Variants in ART4 observed in about 807,000 individuals in gnomAD.
ART4 encodes ADP-ribosyltransferase 4 (inactive) (Dombrock blood group).
Under a neutral mutation model 24.2 loss-of-function variants are expected in ART4, and 14 were observed. The ratio of observed to expected loss-of-function variants is 0.58; its 90% CI spans 0.38 to 0.90. The LOEUF is 0.90. ART4 is among the 40% of genes least tolerant of loss of function. The probability of loss-of-function intolerance (pLI) is 0.00; values close to 1 mark genes in which losing one functional copy is unlikely to be tolerated. For missense variants in ART4, 356 were observed against 366.6 expected, an observed-to-expected ratio of 0.97 and a Z score of 0.24; for synonymous variants, 145 against 139.9, an observed-to-expected ratio of 1.04 and a Z score of -0.26.
chr12:14,830,600 CAG>C, intron 2 of ART4, among the ~76,000 whole-genome samples: 1 of 108,526 alleles, frequency 9.2e-6, no homozygotes, highest in East Asian at 2.7e-4. Context: ...AATTCCAAGA[CAG>C]AAAAGACAGA....
chr12:14,838,983 A>G (rs1950448533), intron 2 of ART4, among the ~76,000 whole-genome samples: 1 of 152,004 alleles, frequency 6.6e-6, no homozygotes, highest in African/African-American at 2.4e-5. Flanking sequence ...TGGCAACATA[A>G]AATTCAATCA....
Position 14,840,686 on chromosome 12 carries a change from A to C in ART4, c.612T>G (p.Phe204Leu). 1 of 1,614,148 alleles carries C rather than the reference A, an allele frequency of 6.2e-7. No homozygotes were observed. Among genetic ancestry groups the C allele is most frequent in the Non-Finnish European group, 8.5e-7 (1 of 1,180,004 alleles). Residue 204 changes from phenylalanine to leucine, a missense_variant, in exon 2 of 3, where the codon TTT (phenylalanine) becomes TTG (leucine). Coordinates refer to ENST00000228936, the MANE Select transcript of ART4 (RefSeq NM_021071.4). ...FNAYTGATIR[F>L]GQFLSTSLLK... The stretch of plus-strand genomic sequence containing the variant: ...GGAGGGATGTGGAGAGGAATTGGCC[A>C]AATCGAATGGTGGCCCCTGTGTAGG...
At chr12:14,839,364 G>A (rs1228266941) in intron 2 of ART4, among the ~76,000 whole-genome samples, 1 of 152,142 alleles carries the variant, frequency 6.6e-6, no homozygotes, top group Non-Finnish European at 1.5e-5. Context: ...AACATATGCT[G>A]TGTCTTAGTC....
chr12:14,841,400 CT>C (rs748132251), intron 1 of ART4, among the ~76,000 whole-genome samples: 23 of 152,176 alleles, frequency 1.5e-4, no homozygotes, highest in Non-Finnish European at 2.4e-4. Context: ...GAGGAAGTAA[CT>C]CTTTTAATAT....
intron 2 of ART4, among the ~76,000 whole-genome samples, chr12:14,838,835 A>C (rs898666313): frequency 6.6e-6 from 1 of 152,134 alleles, no homozygotes; most frequent in African/African-American, 2.4e-5. Flanking sequence ...GGATATATTG[A>C]AGGTAGACCC....
chr12:14,841,434 C>T (rs1863051391), intron 1 of ART4, among the ~76,000 whole-genome samples: 1 of 152,164 alleles, frequency 6.6e-6, no homozygotes, highest in Non-Finnish European at 1.5e-5. Context: ...AGCATGTTTG[C>T]ATAGTAAGTA....
Position 14,841,054 on chromosome 12 carries a change from A to C in ART4, c.244T>G (p.Tyr82Asp). Reference sequence around the variant, plus strand: ...TGGGCTTCTATGTCTTTTGTGAAATAATCCCCTTGAGTTAGTTTCTCCATA... The same window carrying C: ...TGGGCTTCTATGTCTTTTGTGAAATCATCCCCTTGAGTTAGTTTCTCCATA... ...QVMEKLTQGDYFTKDIEAQKN... is the reference protein window; with the variant it reads ...QVMEKLTQGDDFTKDIEAQKN... Residue 82 changes from tyrosine to aspartate, a missense_variant, in exon 2 of 3, where the codon TAT (tyrosine) becomes GAT (aspartate). Transcript: ENST00000228936. The C allele has an allele frequency of 6.2e-7, 1 of 1,614,212 alleles. No homozygotes were observed. The highest frequency in any genetic ancestry group is 8.5e-7 in the Non-Finnish European group (1 of 1,180,050).
At position 14,841,104 on chromosome 12, in the gene ART4, T is replaced by C. The variant is rs758710680; in HGVS notation, c.194A>G (p.Gln65Arg). The change falls in exon 2 of 3, where the codon CAG (glutamine) becomes CGG (arginine). Residue 65 changes from glutamine (Q) to arginine (R), a missense_variant. By Grantham distance (43) the Gln-to-Arg change is conservative. Coordinates refer to ENST00000228936, the MANE Select transcript of ART4 (RefSeq NM_021071.4). ...AACCTGTTTGCTACAGCCTTGGTAC[T>C]GATCATCAAAAGAACCTGGTGCGAA... is the stretch of plus-strand genomic sequence containing the variant. ...FDFAPGSFDD[Q>R]YQGCSKQVME... 8.8e-6 allele frequency: 14 copies of C among 1,596,836 alleles called. No homozygotes were observed. The African/African-American group carries it at 1.8e-4, about 20-fold the overall frequency.
chr12:14,840,417 G>A (rs1021786815), intron 2 of ART4, 28 bp downstream of exon 2: 3 of 1,547,406 alleles, frequency 1.9e-6, no homozygotes, highest in Non-Finnish European at 2.6e-6. Context: ...CTGTGATCCT[G>A]AGTGGCCTCA....
chr12:14,842,898 A>T, intron 1 of ART4, 72 bp downstream of exon 1: 3 of 1,500,130 alleles, frequency 2.0e-6, no homozygotes, highest in Non-Finnish European at 2.7e-6. Flanking sequence ...GGCCATTTAA[A>T]GGCTGTGGCC....
chr12:14,840,810 AG>A lies in ART4; in HGVS notation c.487del (p.Leu163SerfsTer8). ...SFHFKYLHYY[L>X]TSAIQLLRKD... is the part of the protein sequence containing the mutation. ...CCTCAGCAGCTGGATTGCTGAGGTG[AG>A]GTAGTAGTGTAAATATTTGAAGTGG... On this transcript the variant is annotated frameshift_variant, in exon 2 of 3. Transcript: ENST00000228936. LOFTEE classifies it high-confidence loss of function. 3.1e-6 allele frequency: 5 copies of A among 1,614,150 alleles called. No individual in the cohort carries two copies. The highest frequency in any genetic ancestry group is 4.2e-6 in the Non-Finnish European group (5 of 1,180,038).
chr12:14,832,723 A>C (rs1950404850), intron 2 of ART4, among the ~76,000 whole-genome samples: 1 of 152,238 alleles, frequency 6.6e-6, no homozygotes, highest in Admixed American at 6.5e-5. Flanking sequence ...AGAGACAAAC[A>C]CATAGACACT....
At chr12:14,840,088 G>A (rs1047478509) in intron 2 of ART4, among the ~76,000 whole-genome samples, 8 of 152,140 alleles carry the variant, frequency 5.3e-5, no homozygotes, top group Non-Finnish European at 8.8e-5. Flanking sequence ...CTTGCCTCTT[G>A]CTTTACTTTT....
chr12:14,830,687 A>G (rs1698671049), intron 2 of ART4, among the ~76,000 whole-genome samples: 3 of 114,646 alleles, frequency 2.6e-5, no homozygotes, highest in African/African-American at 7.0e-5. Context: ...ATATATATAT[A>G]TATATATATA....
intron 2 of ART4, among the ~76,000 whole-genome samples, chr12:14,837,263 GCTTA>G (rs1731481182): frequency 1.3e-5 from 2 of 152,168 alleles, no homozygotes; most frequent in South Asian, 4.1e-4. Flanking sequence ...TGTGACAACA[GCTTA>G]CTTTTGACTA....
intron 1 of ART4, among the ~76,000 whole-genome samples, chr12:14,842,059 T>C (rs1280237216): frequency 6.6e-6 from 1 of 152,238 alleles, no homozygotes; most frequent in Non-Finnish European, 1.5e-5. Flanking sequence ...GGACATTCCT[T>C]TCTAATGGGT....
chr12:14,834,674 A>G (rs1328357351), intron 2 of ART4, among the ~76,000 whole-genome samples: 1 of 152,232 alleles, frequency 6.6e-6, no homozygotes, highest in Non-Finnish European at 1.5e-5. Context: ...GGCATAGGTT[A>G]TTTTGCTGAA....
rs1950364907 is a variant in ART4, at chr12:14,827,261, T to G, written c.*2110A>C. ...TTGGGTGGCTTTTACCAACATAGCA[T>G]GTCATTACTGACTCATCGATGCTCA... On this transcript the variant is annotated 3_prime_UTR_variant, in exon 3 of 3. Transcript: ENST00000228936. 6.6e-6 allele frequency: 1 copy of G among 152,234 alleles called. No individual in the cohort carries two copies. The highest frequency in any genetic ancestry group is 2.1e-4 in the South Asian group (1 of 4,830). The allele number at this position is 152,234 out of a possible 1,614,324, so 9.4% of individuals were successfully genotyped here. A position where few individuals can be genotyped will look rare whatever the true frequency, so the allele number is the denominator to read the frequency against.
At chr12:14,838,095 C>A (rs1365349895) in intron 2 of ART4, among the ~76,000 whole-genome samples, 1 of 152,102 alleles carries the variant, frequency 6.6e-6, no homozygotes, top group East Asian at 1.9e-4. Context: ...ATTGGTGATT[C>A]CAAATATTTC....
Sources: gnomAD v4.1 joint callset for allele counts (sites outside exome capture counted in the v4.1 genomes callset) on GRCh38, gnomAD v4.1.1 for gene constraint, MANE v1.5 for transcripts, NCBI Gene and HGNC (gene_info 2026-07-23, HGNC 2026-07-21) for gene names.